The following THBS4 variants were observed in gnomAD, a reference collection of about 807,000 sequenced individuals.
The protein encoded by THBS4 is thrombospondin 4.
A neutral mutation model predicts 115.7 loss-of-function variants in THBS4; 90 were observed. The observed-to-expected ratio is 0.78, with a 90% CI of 0.66 to 0.93. The LOEUF (loss-of-function observed/expected upper bound fraction) is 0.93, where lower values mean the gene tolerates loss of function less well. Ranked by LOEUF, THBS4 falls within the 40% of genes least tolerant of loss-of-function variation. The pLI is 0.00. For missense variants in THBS4, 1,087 were observed against 1,232.7 expected (o/e 0.88, Z 1.77); for synonymous variants, 460 against 479.3 (o/e 0.96, Z 0.53).
intron 12 of THBS4, 128 bp from the exon 13 acceptor site, chr5:80,070,893 A>G (rs762324059): frequency 7.0e-6 from 11 of 1,573,942 alleles, no homozygotes; most frequent in East Asian, 2.3e-5. Flanking sequence ...TTTTTACCCT[A>G]TAAGATTCAC....
At position 80,035,414 on chromosome 5, in the gene THBS4, G is replaced by T; in HGVS notation, c.-124G>T. 1.9e-6 allele frequency: 1 copy of T among 523,626 alleles called. No homozygotes were observed. Among genetic ancestry groups the T allele is most frequent in the South Asian group, 9.2e-5 (1 of 10,902 alleles). 32.4% of individuals were successfully genotyped at this position (523,626 alleles called of 1,614,324 possible). A position where few individuals can be genotyped will look rare whatever the true frequency, so the allele number is the denominator to read the frequency against. On this transcript the variant is annotated 5_prime_UTR_variant, in exon 1 of 22. Transcript: ENST00000350881. The surrounding 1 kb of genome is among the most constrained non-coding windows in gnomAD (Gnocchi z 4.6). ...CGCCCCCGACGGCAGCCCGGACGCC[G>T]AGCACGGGTCACCTGCGGCGCCGGC...
intron 2 of THBS4, chr5:80,052,934 C>G (rs1440923229): frequency 6.6e-6 from 1 of 152,140 alleles, no homozygotes; most frequent in East Asian, 1.9e-4. Flanking sequence ...TTACTTGCCA[C>G]AGATCACACA....
intron 2 of THBS4, among the ~76,000 whole-genome samples, chr5:80,029,194 G>A (rs1832538312): frequency 6.6e-6 from 1 of 152,088 alleles, no homozygotes. Flanking sequence ...TATTTTGCAA[G>A]TTTGTTTTAT....
intron 2 of THBS4, among the ~76,000 whole-genome samples, chr5:80,009,109 G>T (rs1832072634): frequency 6.6e-6 from 1 of 152,192 alleles, no homozygotes; most frequent in Non-Finnish European, 1.5e-5. Flanking sequence ...GAAAAAGGCA[G>T]TAGAAAGTAC....
At chr5:80,058,368 C>CAGCCTATTCAGGGTCTT in intron 4 of THBS4, 54 bp downstream of exon 4, 1 of 1,310,950 alleles carries the variant, frequency 7.6e-7, no homozygotes, top group Non-Finnish European at 1.1e-6. Context: ...TCCAAAGACC[C>CAGCCTATTCAGGGTCTT]TGAATAGGCT....
At chr5:80,071,249 G>GT in intron 13 of THBS4, 69 bp downstream of exon 13, 1 of 1,519,088 alleles carries the variant, frequency 6.6e-7, no homozygotes, top group South Asian at 1.4e-5. Context: ...CTCTGAGAGA[G>GT]TAGGAATAGA....
In THBS4 at chr5:80,035,703, G is replaced by A. The variant is rs1334454939; in HGVS notation, c.88+78G>A. The stretch of plus-strand genomic sequence containing the variant: ...GCTGAGTGAGTGGAGGGACTTGCTC[G>A]GCCCTGTGCTCCTGTGGCCTTGCTC... On this transcript the variant is annotated intron_variant, in intron 1 of 21. Transcript: ENST00000350881. This position sits in a 1 kb window ranked among gnomAD's most constrained non-coding sequence, Gnocchi z 4.6. 3 of 1,039,230 alleles carry A rather than the reference G, an allele frequency of 2.9e-6. No individual in the cohort carries two copies. Among genetic ancestry groups the A allele is most frequent in the East Asian group, 6.5e-5 (2 of 30,706 alleles). 64.4% of individuals were successfully genotyped at this position (1,039,230 alleles called of 1,614,324 possible).
Position 80,040,108 on chromosome 5 carries a change from G to T in THBS4, c.120G>T (p.Arg40Ser). 6.2e-7 allele frequency: 1 copy of T among 1,613,872 alleles called. No homozygotes were observed. The highest frequency in any genetic ancestry group is 1.1e-5 in the South Asian group (1 of 91,074). The stretch of plus-strand genomic sequence containing the variant: ...ACCTTCTCCCATCTTCCAGTCAGAG[G>T]CTAAACCCAGGCGCTCTGCTGCCAG... ...VFDLLPSSSQRLNPGALLPVL... is the reference protein window; with the variant it reads ...VFDLLPSSSQSLNPGALLPVL... The change falls in exon 2 of 22, where the codon AGG (arginine) becomes AGT (serine). Residue 40 changes from arginine (R) to serine (S), a missense_variant. Transcript: ENST00000350881.
rs570901164 is a variant in THBS4, at chr5:80,016,245, TG to T, written n.177+17819del. 9.2e-5 allele frequency among the ~76,000 whole-genome samples: 14 copies of T among 152,316 alleles called. No homozygotes were observed. In the East Asian group the frequency reaches 2.7e-3, roughly 29 times the overall value. ...AGTGAAGTTTCTTTTTTCTGGAAGATGTGACTGCATACTGTTTTGACCGATT... is the reference window on the plus strand; with the variant it reads ...AGTGAAGTTTCTTTTTTCTGGAAGATTGACTGCATACTGTTTTGACCGATT... On this transcript the variant is annotated intron_variant and non_coding_transcript_variant, in intron 2 of 3. Transcript: ENST00000510218.
chr5:80,000,617 A>G (rs1215237546), intron 2 of THBS4, among the ~76,000 whole-genome samples: 1 of 152,194 alleles, frequency 6.6e-6, no homozygotes, highest in Non-Finnish European at 1.5e-5. Flanking sequence ...AGCATAATTT[A>G]TATGCCTTTT....
At chr5:80,042,551 C>T (rs1391182603) in intron 2 of THBS4, among the ~76,000 whole-genome samples, 1 of 152,148 alleles carries the variant, frequency 6.6e-6, no homozygotes, top group Non-Finnish European at 1.5e-5. Context: ...AAGCAACTTC[C>T]CCTGAACGGA....
At chr5:80,003,986 T>C (rs1177149011) in intron 2 of THBS4, among the ~76,000 whole-genome samples, 1 of 152,190 alleles carries the variant, frequency 6.6e-6, no homozygotes, top group Non-Finnish European at 1.5e-5. Context: ...GGGTCATTCA[T>C]ACTTGGGATG....
chr5:80,028,650 G>A (rs1026322816), intron 2 of THBS4, among the ~76,000 whole-genome samples: 2 of 151,946 alleles, frequency 1.3e-5, no homozygotes, highest in African/African-American at 4.8e-5. Context: ...ATAGAGATGG[G>A]GTTTCACCAT....
intron 1 of THBS4, among the ~76,000 whole-genome samples, chr5:79,992,999 A>T (rs1414989658): frequency 6.6e-6 from 1 of 152,236 alleles, no homozygotes; most frequent in Non-Finnish European, 1.5e-5. Context: ...GGGTCCATAT[A>T]CTACATTCAG....
intron 10 of THBS4, 79 bp downstream of exon 10, chr5:80,068,204 C>T: frequency 6.4e-7 from 1 of 1,550,678 alleles, no homozygotes; most frequent in South Asian, 1.2e-5. Flanking sequence ...CTATGTGCTT[C>T]AGGGTAAAAG....
At position 80,061,787 on chromosome 5, in the gene THBS4, C is replaced by A; in HGVS notation, c.1080C>A (p.Pro360=). 1 of 1,613,968 alleles carries A rather than the reference C, an allele frequency of 6.2e-7. No homozygotes were observed. The highest frequency in any genetic ancestry group is 8.5e-7 in the Non-Finnish European group (1 of 1,179,986). The part of the protein sequence containing the change: ...CDACPVGFTG[P]MVQGVGISFA... ...CCTGCCCAGTGGGCTTCACAGGGCC[C>A]ATGGTGCAGGGTGTTGGGATCAGTT... Residue 360 remains proline (P), a synonymous_variant, in exon 8 of 22, where the codon CCC becomes CCA. Transcript: ENST00000350881.
At chr5:80,058,004 TA>T in intron 3 of THBS4, among the ~76,000 whole-genome samples, 1 of 152,382 alleles carries the variant, frequency 6.6e-6, no homozygotes, top group South Asian at 2.1e-4. Context: ...TTTCCTAGGC[TA>T]CTGGCTACTT....
At chr5:80,067,758 T>C (rs1413152361) in intron 9 of THBS4, 6 of 512,612 alleles carry the variant, frequency 1.2e-5, no homozygotes, top group East Asian at 3.5e-5. Flanking sequence ...CTATTCCTTC[T>C]TTGTCTGAGT....
rs191465940 is a variant in THBS4, at chr5:80,042,702, G to A, written c.292+2422G>A. 2.8e-3 allele frequency among the ~76,000 whole-genome samples: 425 copies of A among 152,166 alleles called. 4 individuals are homozygous for A. Among genetic ancestry groups the A allele is most frequent in the Non-Finnish European group, 2.5e-3 (168 of 67,990 alleles). On this transcript the variant is annotated intron_variant, in intron 2 of 21. Transcript: ENST00000350881. ...AAATACCAGTTGATCAAATATTTTA[G>A]GGGCTGTAATCCCAGCACTTTGGGA...
Sources: gnomAD v4.1 joint callset for allele counts (sites outside exome capture counted in the v4.1 genomes callset) on GRCh38, gnomAD v4.1.1 for gene constraint, Gnocchi (gnomAD v3.1) non-coding constraint, MANE v1.5 for transcripts, NCBI Gene and HGNC (gene_info 2026-07-23, HGNC 2026-07-21) for gene names.